The following MAML2 variants were observed in gnomAD, a reference collection of about 807,000 sequenced individuals.
The protein encoded by MAML2 is mastermind-like protein 2.
MAML2 carries 22 observed loss-of-function variants against 96.1 expected under a neutral mutation model. The observed-to-expected ratio is 0.23, with a 90% CI of 0.16 to 0.33. The LOEUF is 0.33. Ranked by LOEUF, MAML2 falls within the 10% of genes least tolerant of loss-of-function variation. The pLI, the probability that MAML2 is intolerant of heterozygous loss-of-function variation, is 1.00. For missense variants in MAML2, 1,367 were observed against 1,392.4 expected (o/e 0.98, Z 0.29); for synonymous variants, 561 against 521.3 (o/e 1.08, Z -1.04).
chr11:96,101,103 T>C (rs1859921544), intron 1 of MAML2, among the ~76,000 whole-genome samples: 3 of 152,094 alleles, frequency 2.0e-5, no homozygotes, highest in Admixed American at 2.0e-4. Context: ...GCAGGAGCAA[T>C]GCAAATTCAG....
chr11:96,143,356 G>T (rs1041318417), intron 1 of MAML2, among the ~76,000 whole-genome samples: 1 of 152,186 alleles, frequency 6.6e-6, no homozygotes, highest in Non-Finnish European at 1.5e-5. Flanking sequence ...CAGATGGACA[G>T]TCCTCAAATA....
intron 1 of MAML2, among the ~76,000 whole-genome samples, chr11:96,240,151 C>T (rs1862413270): frequency 6.6e-6 from 1 of 152,116 alleles, no homozygotes; most frequent in Non-Finnish European, 1.5e-5. Flanking sequence ...TGCTAAATCA[C>T]CATTAAAATA....
intron 1 of MAML2, among the ~76,000 whole-genome samples, chr11:96,297,373 G>A (rs763602786): frequency 1.4e-4 from 21 of 152,068 alleles, no homozygotes; most frequent in Non-Finnish European, 2.9e-4. Context: ...TCAGGAGTTT[G>A]AGACCAGCTT....
At chr11:96,319,732 T>C (rs1443647455) in intron 1 of MAML2, among the ~76,000 whole-genome samples, 1 of 152,224 alleles carries the variant, frequency 6.6e-6, no homozygotes, top group Non-Finnish European at 1.5e-5. Flanking sequence ...GAGATATTCT[T>C]GTGAACTTTT....
At chr11:96,263,056 A>G (rs1202567856) in intron 1 of MAML2, among the ~76,000 whole-genome samples, 1 of 152,238 alleles carries the variant, frequency 6.6e-6, no homozygotes, top group Non-Finnish European at 1.5e-5. Context: ...TCCAGTTTAT[A>G]TAGTTGATTG....
chr11:95,989,942 T>A (rs1857884946), intron 3 of MAML2, among the ~76,000 whole-genome samples: 3 of 152,208 alleles, frequency 2.0e-5, no homozygotes, highest in Admixed American at 6.5e-5. Context: ...TATTTCATAA[T>A]GCAATCTCAA....
chr11:96,132,191 T>C (rs1860558817), intron 1 of MAML2, among the ~76,000 whole-genome samples: 1 of 152,200 alleles, frequency 6.6e-6, no homozygotes, highest in South Asian at 2.1e-4. Context: ...AGTTAGCCTA[T>C]GAGCAGGAAA....
At chr11:96,301,831 G>T (rs1335632232) in intron 1 of MAML2, among the ~76,000 whole-genome samples, 3 of 152,102 alleles carry the variant, frequency 2.0e-5, no homozygotes, top group Non-Finnish European at 4.4e-5. Context: ...AATAGTACTG[G>T]CAAAGAAAGC....
chr11:96,059,113 G>A (rs1859115212), intron 2 of MAML2, among the ~76,000 whole-genome samples: 1 of 152,070 alleles, frequency 6.6e-6, no homozygotes, highest in Non-Finnish European at 1.5e-5. Flanking sequence ...AAATAAAAGA[G>A]GAACCTGAGG....
chr11:96,090,679 T>A (rs1859689332), intron 2 of MAML2, among the ~76,000 whole-genome samples: 1 of 152,246 alleles, frequency 6.6e-6, no homozygotes, highest in Non-Finnish European at 1.5e-5. Context: ...AAATCTATAA[T>A]TTTTTAAAAA....
At chr11:96,313,486 TCA>T (rs1405273228) in intron 1 of MAML2, among the ~76,000 whole-genome samples, 1 of 152,184 alleles carries the variant, frequency 6.6e-6, no homozygotes, top group African/African-American at 2.4e-5. Flanking sequence ...TTGTTCTTGG[TCA>T]CACAGTCTTC....
At chr11:96,280,521 G>A (rs1863050529) in intron 1 of MAML2, among the ~76,000 whole-genome samples, 1 of 151,960 alleles carries the variant, frequency 6.6e-6, no homozygotes, top group Non-Finnish European at 1.5e-5. Flanking sequence ...ATTTTTTCCT[G>A]AGGTCAGGGA....
At chr11:96,052,898 C>T (rs535134874) in intron 2 of MAML2, among the ~76,000 whole-genome samples, 6 of 152,320 alleles carry the variant, frequency 3.9e-5, no homozygotes, top group African/African-American at 1.4e-4. Flanking sequence ...CGATCTAAGG[C>T]AAAGATCTCA....
chr11:96,225,413 T>C (rs1204099175), intron 1 of MAML2, among the ~76,000 whole-genome samples: 1 of 152,218 alleles, frequency 6.6e-6, no homozygotes, highest in East Asian at 1.9e-4. Flanking sequence ...AGCATACAGC[T>C]TGACTGCTAC....
chr11:96,266,554 G>A (rs916151299), intron 1 of MAML2, among the ~76,000 whole-genome samples: 1 of 151,266 alleles, frequency 6.6e-6, no homozygotes, highest in Non-Finnish European at 1.5e-5. Context: ...CTGGGCAACA[G>A]AGTGAGACTC....
intron 1 of MAML2, among the ~76,000 whole-genome samples, chr11:96,310,240 T>C (rs1306332720): frequency 6.6e-6 from 1 of 152,218 alleles, no homozygotes; most frequent in African/African-American, 2.4e-5. Flanking sequence ...AGGTTATTTT[T>C]TTTTTCACTA....
chr11:96,127,368 G>C (rs1860464981), intron 1 of MAML2, among the ~76,000 whole-genome samples: 1 of 152,126 alleles, frequency 6.6e-6, no homozygotes, highest in Admixed American at 6.5e-5. Context: ...TTTCACTTAG[G>C]ATTTGTATGA....
intron 2 of MAML2, among the ~76,000 whole-genome samples, chr11:96,065,757 C>A (rs757616978): frequency 6.6e-6 from 1 of 152,198 alleles, no homozygotes; most frequent in Non-Finnish European, 1.5e-5. Context: ...ATGACGGTCA[C>A]ACAGCTAGGA....
chr11:96,269,596 C>T (rs545645072), intron 1 of MAML2, among the ~76,000 whole-genome samples: 1 of 144,730 alleles, frequency 6.9e-6, no homozygotes, highest in African/African-American at 2.6e-5. Flanking sequence ...ACCGCAACCT[C>T]TGCCTCCTGG....
Sources: gnomAD v4.1 joint callset for allele counts (sites outside exome capture counted in the v4.1 genomes callset) on GRCh38, gnomAD v4.1.1 for gene constraint, MANE v1.5 for transcripts, NCBI Gene and HGNC (gene_info 2026-07-23, HGNC 2026-07-21) for gene names.